The following SAMD12 variants were observed in gnomAD, a reference collection of about 807,000 sequenced individuals.
SAMD12 encodes the protein sterile alpha motif domain containing 12, also known as sterile alpha motif domain-containing protein 12.
In SAMD12, 9 loss-of-function variants were observed where a neutral mutation model predicts 15.0. That is an observed-to-expected ratio of 0.60 (90% CI 0.36 to 1.05). SAMD12 has a LOEUF of 1.05. SAMD12 is among the 50% of genes least tolerant of loss of function. SAMD12 has a pLI of 0.01. For missense variants in SAMD12, 230 were observed against 234.2 expected, an observed-to-expected ratio of 0.98 and a Z score of 0.12; for synonymous variants, 86 against 90.1, an observed-to-expected ratio of 0.96 and a Z score of 0.25.
At chr8:118,402,558 CTGTTATTGTG>C (rs1820919667) in intron 3 of SAMD12, among the ~76,000 whole-genome samples, 1 of 152,196 alleles carries the variant, frequency 6.6e-6, no homozygotes, top group Admixed American at 6.5e-5. Context: ...AGACTGAAGG[CTGTTATTGTG>C]TGGATAACAC....
At chr8:118,424,630 C>T (rs762139594) in intron 3 of SAMD12, among the ~76,000 whole-genome samples, 87 of 152,234 alleles carry the variant, frequency 5.7e-4, no homozygotes, top group South Asian at 1.5e-3. Context: ...CAACAGGGAA[C>T]ATGGGGGATC....
intron 4 of SAMD12, among the ~76,000 whole-genome samples, chr8:118,357,138 G>A (rs548397865): frequency 2.0e-5 from 3 of 152,130 alleles, no homozygotes; most frequent in Non-Finnish European, 4.4e-5. Context: ...ATAATCAAAG[G>A]GTTCCCACTA....
the SAMD12 span, among the ~76,000 whole-genome samples, chr8:118,161,561 T>A: frequency 6.3e-4 from 80 of 126,714 alleles, no homozygotes; most frequent in Middle Eastern, 3.9e-3. Flanking sequence ...TAAGACTGTC[T>A]AAAAAAAAAA....
At chr8:118,440,501 A>G (rs544087342) in intron 2 of SAMD12, among the ~76,000 whole-genome samples, 2 of 152,282 alleles carry the variant, frequency 1.3e-5, no homozygotes, top group East Asian at 3.9e-4. Flanking sequence ...GTCCAGGACC[A>G]TTAGTTATAC....
At chr8:118,423,870 G>A (rs1015921185) in intron 3 of SAMD12, among the ~76,000 whole-genome samples, 5 of 151,996 alleles carry the variant, frequency 3.3e-5, no homozygotes, top group African/African-American at 4.8e-5. Context: ...ATACTTCCTC[G>A]ATTGCCTGGC....
intron 2 of SAMD12, among the ~76,000 whole-genome samples, chr8:118,474,255 C>T (rs767252945): frequency 6.6e-6 from 1 of 152,148 alleles, no homozygotes; most frequent in African/African-American, 2.4e-5. Context: ...GCCACTGTAC[C>T]TAGTCTAGAG....
intron 2 of SAMD12, among the ~76,000 whole-genome samples, chr8:118,567,695 G>A (rs1340138545): frequency 6.6e-6 from 1 of 152,116 alleles, no homozygotes. Flanking sequence ...CTATATTTGT[G>A]GCAACCCTGA....
the SAMD12 span, among the ~76,000 whole-genome samples, chr8:118,152,370 T>C: frequency 6.6e-6 from 1 of 152,196 alleles, no homozygotes. Flanking sequence ...GAATTTTGTT[T>C]GGTTTTTCTT....
intron 4 of SAMD12, among the ~76,000 whole-genome samples, chr8:118,288,906 G>C (rs997258919): frequency 5.9e-5 from 9 of 152,262 alleles, no homozygotes; most frequent in African/African-American, 2.2e-4. Context: ...TGCCAGTTCA[G>C]GTCTCCCATG....
chr8:118,374,752 CTA>C (rs542569009), downstream of SAMD12, among the ~76,000 whole-genome samples: 35 of 152,130 alleles, frequency 2.3e-4, no homozygotes, highest in Non-Finnish European at 4.6e-4. Context: ...CTTCATACGC[CTA>C]TTGGCCATTT....
At chr8:118,552,146 A>C (rs1337329763) in intron 2 of SAMD12, among the ~76,000 whole-genome samples, 2 of 152,220 alleles carry the variant, frequency 1.3e-5, no homozygotes, top group African/African-American at 4.8e-5. Flanking sequence ...CAATCAATAG[A>C]AAAAGAGGGA....
chr8:118,438,515 C>T (rs887563992), intron 3 of SAMD12, among the ~76,000 whole-genome samples: 1 of 151,848 alleles, frequency 6.6e-6, no homozygotes, highest in African/African-American at 2.4e-5. Flanking sequence ...TTGGTTCACG[C>T]ACCCGCCTCT....
chr8:118,304,860 C>T (rs557354893), intron 4 of SAMD12, among the ~76,000 whole-genome samples: 1 of 151,004 alleles, frequency 6.6e-6, no homozygotes, highest in Non-Finnish European at 1.5e-5. Flanking sequence ...TAAAAATGTA[C>T]AGCTCAGGCC....
At chr8:118,570,256 T>A (rs958562841) in intron 2 of SAMD12, among the ~76,000 whole-genome samples, 2 of 152,210 alleles carry the variant, frequency 1.3e-5, no homozygotes, top group Non-Finnish European at 2.9e-5. Context: ...AGGTTTGTTA[T>A]ATAGGTAAAC....
At chr8:118,548,829 C>T (rs1045058705) in intron 2 of SAMD12, among the ~76,000 whole-genome samples, 1 of 152,244 alleles carries the variant, frequency 6.6e-6, no homozygotes, top group Non-Finnish European at 1.5e-5. Flanking sequence ...CACCCACATA[C>T]TGTGCTTTTC....
chr8:118,238,550 T>G (rs28370836), intron 4 of SAMD12, among the ~76,000 whole-genome samples: 2 of 152,160 alleles, frequency 1.3e-5, no homozygotes, highest in Admixed American at 6.6e-5. Context: ...TTTCAAAGGC[T>G]ATCTCCTTGT....
chr8:118,299,653 C>T (rs1273952240), intron 4 of SAMD12, among the ~76,000 whole-genome samples: 1 of 152,026 alleles, frequency 6.6e-6, no homozygotes, highest in African/African-American at 2.4e-5. Context: ...GTGAGTAGAA[C>T]CAGTTTGAGA....
At chr8:118,318,722 A>T (rs981555169) in intron 4 of SAMD12, among the ~76,000 whole-genome samples, 3 of 152,130 alleles carry the variant, frequency 2.0e-5, no homozygotes, top group Non-Finnish European at 2.9e-5. Flanking sequence ...AAATAAAAAA[A>T]ATATTAAATT....
intron 2 of SAMD12, among the ~76,000 whole-genome samples, chr8:118,511,663 T>A (rs975945658): frequency 6.6e-6 from 1 of 152,144 alleles, no homozygotes; most frequent in East Asian, 1.9e-4. Flanking sequence ...AAAAGACCAT[T>A]AAAAATATTT....
Sources: allele counts gnomAD v4.1 joint callset (sites outside exome capture counted in the v4.1 genomes callset), GRCh38; gene constraint gnomAD v4.1.1; transcripts MANE v1.5; gene names NCBI Gene and HGNC (gene_info 2026-07-23, HGNC 2026-07-21).